AKR1C4: variants seen among roughly 807,000 people sequenced by gnomAD.
The protein encoded by AKR1C4 is aldo-keto reductase family 1 member C4.
AKR1C4 carries 44 observed loss-of-function variants against 41.0 expected under a neutral mutation model. The ratio of observed to expected loss-of-function variants is 1.07; its 90% CI spans 0.84 to 1.38. The LOEUF (loss-of-function observed/expected upper bound fraction) is 1.38, where lower values mean the gene tolerates loss of function less well. Ranked by LOEUF, AKR1C4 falls within the 40% of genes most tolerant of loss-of-function variation. The pLI, the probability that AKR1C4 is intolerant of heterozygous loss-of-function variation, is 0.00. For synonymous variants in AKR1C4, 165 were observed against 137.7 expected (o/e 1.20, Z -1.39); for missense variants, 438 against 387.9 (o/e 1.13, Z -1.09).
chr10:5,204,797 A>G (rs1832459858), intron 3 of AKR1C4: 2 of 396,854 alleles, frequency 5.0e-6, no homozygotes, highest in Non-Finnish European at 9.6e-6. Context: ...CTTCACAGAT[A>G]CAGAGATCCA....
At position 5,212,657 on chromosome 10, in the gene AKR1C4, T is replaced by C. The variant is rs570540310; in HGVS notation, c.612T>C (p.Asp204=). 2.5e-6 allele frequency: 4 copies of C among 1,613,844 alleles called. No individual in the cohort carries two copies. In the East Asian group the frequency reaches 8.9e-5, roughly 36 times the overall value. Reference sequence around the variant, plus strand: ...ACCTCAACCAGAGCAAACTGCTGGATTTCTGCAAGTCAAAAGACATTGTTC... The same window carrying C: ...ACCTCAACCAGAGCAAACTGCTGGACTTCTGCAAGTCAAAAGACATTGTTC... ...HPYLNQSKLL[D]FCKSKDIVLV... is the part of the protein sequence containing the mutation. The change falls in exon 6 of 9, where the codon GAT becomes GAC. Residue 204 remains aspartate (D), a synonymous_variant. Coordinates refer to ENST00000263126, the MANE Select transcript of AKR1C4 (RefSeq NM_001818.5).
chr10:5,218,601 C>A, intron 8 of AKR1C4, 117 bp from the exon 9 acceptor site: 6 of 721,330 alleles, frequency 8.3e-6, no homozygotes, highest in South Asian at 6.5e-5. Context: ...ACAAATAGTC[C>A]GAAAATAAAC....
intron 2 of AKR1C4, among the ~76,000 whole-genome samples, chr10:5,203,578 C>G (rs1379804007): frequency 6.6e-6 from 1 of 152,206 alleles, no homozygotes; most frequent in African/African-American, 2.4e-5. Context: ...TGGGCACTTA[C>G]AGTTTTTCAT....
At position 5,218,762 on chromosome 10, in the gene AKR1C4, A is replaced by G. The variant is rs144156858; in HGVS notation, c.*2A>G. The G allele has an allele frequency of 4.5e-4, 721 of 1,604,490 alleles. 3 individuals carry two copies. Among genetic ancestry groups the G allele is most frequent in the Non-Finnish European group, 5.9e-4 (690 of 1,171,276 alleles). On this transcript the variant is annotated 3_prime_UTR_variant, in exon 9 of 9. Coordinates refer to ENST00000263126, the MANE Select transcript of AKR1C4 (RefSeq NM_001818.5). ...TATCCATTTTCAGATGAATATTAGC[A>G]TAGAGGGTGTTGCACGACATCTAGC...
At chr10:5,218,306 C>T (rs1232232215) in intron 8 of AKR1C4, among the ~76,000 whole-genome samples, 1 of 152,082 alleles carries the variant, frequency 6.6e-6, no homozygotes. Context: ...TGATTGCTAC[C>T]AATAACATTT....
At chr10:5,217,880 C>G (rs1232433512) in intron 8 of AKR1C4, among the ~76,000 whole-genome samples, 1 of 152,192 alleles carries the variant, frequency 6.6e-6, no homozygotes, top group African/African-American at 2.4e-5. Flanking sequence ...CAGAAAGGCA[C>G]TCATGTGATG....
chr10:5,212,793 C>G, intron 6 of AKR1C4, 68 bp downstream of exon 6: 1 of 1,522,744 alleles, frequency 6.6e-7, no homozygotes, highest in Non-Finnish European at 9.0e-7. Flanking sequence ...ATAGCATACT[C>G]AGTCTCCTAG....
At chr10:5,213,192 A>G in intron 7 of AKR1C4, 33 bp downstream of exon 7, 1 of 1,610,028 alleles carries the variant, frequency 6.2e-7, no homozygotes, top group South Asian at 1.1e-5. Context: ...GGGCTCCTGC[A>G]CAGTGTCCTT....
At chr10:5,213,300 T>TTC in intron 7 of AKR1C4, 141 bp downstream of exon 7, 1 of 1,367,860 alleles carries the variant, frequency 7.3e-7, no homozygotes, top group South Asian at 1.6e-5. Flanking sequence ...CATAAGTGTT[T>TTC]TCTACTCTAC....
chr10:5,212,183 A>G (rs6601927), intron 5 of AKR1C4, among the ~76,000 whole-genome samples: 17,177 of 152,254 alleles, frequency 0.11, 1,183 homozygotes, highest in Admixed American at 0.17. Flanking sequence ...TATAATTTGT[A>G]ATTCATTTTA....
At chr10:5,204,337 A>C (rs1554797233) in intron 2 of AKR1C4, 40 bp from the exon 3 acceptor site, 2 of 1,433,596 alleles carry the variant, frequency 1.4e-6, no homozygotes, top group Non-Finnish European at 2.0e-6. Context: ...AAACTAGCTC[A>C]TGTTTTTATT....
intron 7 of AKR1C4, among the ~76,000 whole-genome samples, chr10:5,216,034 C>T (rs2132141493): frequency 6.6e-6 from 1 of 152,208 alleles, no homozygotes; most frequent in Middle Eastern, 3.4e-3. Flanking sequence ...TTTTGACTTA[C>T]CATTTTGCAG....
chr10:5,211,437 G>C (rs1832574203), intron 5 of AKR1C4, among the ~76,000 whole-genome samples: 1 of 152,090 alleles, frequency 6.6e-6, no homozygotes, highest in Admixed American at 6.5e-5. Flanking sequence ...AATCATCTCA[G>C]GTCCAAAGTT....
chr10:5,217,013 C>T (rs1238341457), intron 8 of AKR1C4, among the ~76,000 whole-genome samples: 1 of 152,204 alleles, frequency 6.6e-6, no homozygotes, highest in Admixed American at 6.5e-5. Context: ...TGCCTCTGCT[C>T]TCCTGACTCC....
At chr10:5,203,815 CAG>C (rs1477949852) in intron 2 of AKR1C4, among the ~76,000 whole-genome samples, 4 of 152,230 alleles carry the variant, frequency 2.6e-5, no homozygotes, top group African/African-American at 4.8e-5. Context: ...ACTACAGATT[CAG>C]AGAGACCTAT....
chr10:5,216,858 G>T, intron 8 of AKR1C4, 65 bp downstream of exon 8: 11 of 1,161,312 alleles, frequency 9.5e-6, no homozygotes, highest in South Asian at 1.3e-5. Context: ...GATGGGTGTT[G>T]AAAGTGACCT....
intron 5 of AKR1C4, among the ~76,000 whole-genome samples, chr10:5,210,125 G>C (rs1832549087): frequency 6.6e-6 from 1 of 152,174 alleles, no homozygotes; most frequent in African/African-American, 2.4e-5. Context: ...CCAAAACAAA[G>C]GGGCTACATG....
chr10:5,202,940 TGTGTG>T (rs1832423853), intron 2 of AKR1C4, among the ~76,000 whole-genome samples: 2 of 37,846 alleles, frequency 5.3e-5, no homozygotes, highest in Admixed American at 6.7e-4. Context: ...AGTTTTCTTT[TGTGTG>T]TGTGTGTGTG....
chr10:5,216,580 T>G, intron 7 of AKR1C4, 131 bp from the exon 8 acceptor site: 1 of 620,352 alleles, frequency 1.6e-6, no homozygotes, highest in Non-Finnish European at 2.8e-6. Flanking sequence ...TTAGAGATGG[T>G]CTTTCATAAC....
Sources: allele counts gnomAD v4.1 joint callset (sites outside exome capture counted in the v4.1 genomes callset), GRCh38; gene constraint gnomAD v4.1.1; transcripts MANE v1.5; gene names NCBI Gene and HGNC (gene_info 2026-07-23, HGNC 2026-07-21).